Variants in GNRHR observed in about 807,000 individuals in gnomAD.
The protein encoded by GNRHR is gonadotropin-releasing hormone receptor.
A neutral mutation model predicts 28.1 loss-of-function variants in GNRHR; 14 were observed. The observed-to-expected ratio is 0.50, with a 90% CI of 0.33 to 0.78. The LOEUF is 0.78. Ranked by LOEUF, GNRHR falls within the 30% of genes least tolerant of loss-of-function variation. The probability of loss-of-function intolerance (pLI) is 0.02; values close to 1 mark genes in which losing one functional copy is unlikely to be tolerated. For synonymous variants in GNRHR, 141 were observed against 140.5 expected (o/e 1.00, Z -0.02); for missense variants, 366 against 382.1 (o/e 0.96, Z 0.35).
chr4:67,746,898 G>A (rs1252418495), intron 1 of GNRHR, among the ~76,000 whole-genome samples: 3 of 151,926 alleles, frequency 2.0e-5, no homozygotes, highest in African/African-American at 7.2e-5. Flanking sequence ...ACTAGAGGGC[G>A]TCTAATAATT....
chr4:67,749,147 A>G (rs1002338166), intron 1 of GNRHR, among the ~76,000 whole-genome samples: 1 of 152,132 alleles, frequency 6.6e-6, no homozygotes, highest in African/African-American at 2.4e-5. Context: ...AATGTTAGGC[A>G]TATTGTACCT....
chr4:67,739,027 A>G lies in GNRHR; in HGVS notation c.*1453T>C, dbSNP rs1731605222. ...ATACCACACACCTGGAGTATTTAGA[A>G]ATTACATTTCATCTTTTTTTGTGGC... On this transcript the variant is annotated 3_prime_UTR_variant, in exon 3 of 3. Transcript: ENST00000226413. Among the ~76,000 whole-genome samples the G allele has an allele frequency of 6.6e-6, 1 of 152,006 alleles. No homozygotes were observed. The highest frequency in any genetic ancestry group is 6.6e-5 in the Admixed American group (1 of 15,232).
chr4:67,741,069 G>C lies in GNRHR; in HGVS notation c.743-345C>G, dbSNP rs534018155. On this transcript the variant is annotated intron_variant, in intron 2 of 2. Coordinates refer to ENST00000226413, the MANE Select transcript of GNRHR (RefSeq NM_000406.3). ...AAAAAATTATTTTTTTATTTTAATA[G>C]GTTTTTTTGGGGACTGATGGTGTTT... is the stretch of plus-strand genomic sequence containing the variant. Among the ~76,000 whole-genome samples the C allele has an allele frequency of 1.2e-4, 18 of 151,790 alleles. No individual in the cohort carries two copies. In the South Asian group the frequency reaches 3.3e-3, roughly 28 times the overall value.
intron 2 of GNRHR, among the ~76,000 whole-genome samples, chr4:67,742,712 A>AT (rs962790182): frequency 2.0e-5 from 3 of 151,920 alleles, no homozygotes; most frequent in South Asian, 2.1e-4. Flanking sequence ...CACACACTAT[A>AT]TTTTTTTTGA....
chr4:67,749,777 C>T (rs1006956887), intron 1 of GNRHR, among the ~76,000 whole-genome samples: 1 of 151,736 alleles, frequency 6.6e-6, no homozygotes, highest in African/African-American at 2.4e-5. Context: ...AATTACTGTG[C>T]TCTGACATGT....
intron 1 of GNRHR, among the ~76,000 whole-genome samples, chr4:67,750,815 C>A (rs561539668): frequency 6.6e-6 from 1 of 152,068 alleles, no homozygotes; most frequent in Admixed American, 6.6e-5. Flanking sequence ...CACAATAGGA[C>A]GTGCCTTTGT....
intron 2 of GNRHR, among the ~76,000 whole-genome samples, chr4:67,743,670 T>C (rs550985684): frequency 2.6e-4 from 40 of 152,214 alleles, no homozygotes; most frequent in Non-Finnish European, 5.1e-4. Context: ...TTAACTCCTA[T>C]TTGAGATCCA....
At chr4:67,753,577 T>C (rs940820090) in intron 1 of GNRHR, 2 of 551,186 alleles carry the variant, frequency 3.6e-6, no homozygotes, top group Non-Finnish European at 3.2e-6. Context: ...ACAAAAGCAG[T>C]ATTAAGTAAG....
intron 2 of GNRHR, 73 bp from the exon 3 acceptor site, chr4:67,740,797 A>G: frequency 1.9e-6 from 2 of 1,032,950 alleles, no homozygotes; most frequent in Non-Finnish European, 3.1e-6. Flanking sequence ...AAAAAGGAAG[A>G]CAGCATCACT....
In GNRHR at chr4:67,744,678, T is replaced by A; in HGVS notation, c.632A>T (p.Tyr211Phe). 1.2e-6 allele frequency: 2 copies of A among 1,612,702 alleles called. No homozygotes were observed. Among genetic ancestry groups the A allele is most frequent in the Non-Finnish European group, 8.5e-7 (1 of 1,178,670 alleles). Reference sequence around the variant, plus strand: ...GAGGCAGCTGAAGGTGAAAAAGTTATAAAATGCTTGATGCCACCATTGTGA... The same window carrying A: ...GAGGCAGCTGAAGGTGAAAAAGTTAAAAAATGCTTGATGCCACCATTGTGA... ...SFSQWWHQAF[Y>F]NFFTFSCLFI... is the part of the protein sequence containing the mutation. The change falls in exon 2 of 3, where the codon TAT becomes TTT. Residue 211 changes from tyrosine (Y) to phenylalanine (F), a missense_variant. Tyr to Phe is a conservative substitution (Grantham distance 22, BLOSUM62 3). Coordinates refer to ENST00000226413, the MANE Select transcript of GNRHR (RefSeq NM_000406.3).
chr4:67,747,121 C>G (rs186552775), intron 1 of GNRHR: 1 of 152,236 alleles, frequency 6.6e-6, no homozygotes. Flanking sequence ...ACCTGAGAAT[C>G]TTATATTTCT....
chr4:67,742,479 A>G (rs905514305), intron 2 of GNRHR, among the ~76,000 whole-genome samples: 1 of 152,200 alleles, frequency 6.6e-6, no homozygotes, highest in East Asian at 1.9e-4. Context: ...GATATCTGAA[A>G]TAATTTCACT....
intron 1 of GNRHR, among the ~76,000 whole-genome samples, chr4:67,748,973 G>C (rs1731816485): frequency 6.6e-6 from 1 of 151,980 alleles, no homozygotes; most frequent in South Asian, 2.1e-4. Context: ...GCATGTAAAA[G>C]CTTATTTATT....
At chr4:67,742,140 A>G (rs966942099) in intron 2 of GNRHR, among the ~76,000 whole-genome samples, 2 of 152,098 alleles carry the variant, frequency 1.3e-5, no homozygotes, top group African/African-American at 4.8e-5. Flanking sequence ...CCAGTGTCTT[A>G]AAGGGTTTTT....
rs1307914185 is a variant in GNRHR at position 67,738,189 on chromosome 4, T to C, written c.*2291A>G. Among the ~76,000 whole-genome samples, 1 of 151,750 alleles carries C rather than the reference T, an allele frequency of 6.6e-6. No individual in the cohort carries two copies. Among genetic ancestry groups the C allele is most frequent in the East Asian group, 1.9e-4 (1 of 5,198 alleles). ...ATTTTTATGTTTGCATATAAATAGA[T>C]GAATAGATTATGTTATATTTTTATT... is the stretch of plus-strand genomic sequence containing the variant. On this transcript the variant is annotated 3_prime_UTR_variant, in exon 3 of 3. Coordinates refer to ENST00000226413, the MANE Select transcript of GNRHR (RefSeq NM_000406.3).
chr4:67,740,147 T>C lies in GNRHR; in HGVS notation c.*333A>G, dbSNP rs886787734. ...TCTCACCTTTGTTTTTTTGGCATCCTTGTGCCTTAGGCTGAAGGTATTTTA... is the reference window on the plus strand; with the variant it reads ...TCTCACCTTTGTTTTTTTGGCATCCCTGTGCCTTAGGCTGAAGGTATTTTA... On this transcript the variant is annotated 3_prime_UTR_variant, in exon 3 of 3. Coordinates refer to ENST00000226413, the MANE Select transcript of GNRHR (RefSeq NM_000406.3). 1.1e-4 allele frequency: 29 copies of C among 254,002 alleles called. No homozygotes were observed. Among genetic ancestry groups the C allele is most frequent in the Non-Finnish European group, 1.8e-4 (24 of 129,840 alleles). 15.7% of individuals were successfully genotyped at this position (254,002 alleles called of 1,614,324 possible).
chr4:67,743,460 C>T (rs1731698611), intron 2 of GNRHR, among the ~76,000 whole-genome samples: 1 of 152,164 alleles, frequency 6.6e-6, no homozygotes, highest in Non-Finnish European at 1.5e-5. Context: ...CTGTAGTCTC[C>T]ATGAAAGCAG....
Position 67,753,871 on chromosome 4 carries a change from G to C in GNRHR, c.465C>G (p.Val155=), listed in dbSNP as rs773986790. Residue 155 remains valine (V), a synonymous_variant, in exon 1 of 3, where the codon GTC becomes GTG. Coordinates refer to ENST00000226413, the MANE Select transcript of GNRHR (RefSeq NM_000406.3). ...AGGCCAGGCCAACCATGGACTGTCC[G>C]ACTTTGCTGTTGCTTTTCAAAGCTA... ...RPLALKSNSK[V]GQSMVGLAWI... is the part of the protein sequence containing the mutation. The C allele has an allele frequency of 4.3e-6, 7 of 1,613,728 alleles. No individual in the cohort carries two copies. The highest frequency in any genetic ancestry group is 5.9e-6 in the Non-Finnish European group (7 of 1,179,912).
At chr4:67,749,644 C>G (rs576105033) in intron 1 of GNRHR, among the ~76,000 whole-genome samples, 1 of 151,938 alleles carries the variant, frequency 6.6e-6, no homozygotes, top group South Asian at 2.1e-4. Context: ...TACCTTTCCT[C>G]CTTTTTCCTC....
Sources: allele counts gnomAD v4.1 joint callset (sites outside exome capture counted in the v4.1 genomes callset), GRCh38; gene constraint gnomAD v4.1.1; transcripts MANE v1.5; gene names NCBI Gene and HGNC (gene_info 2026-07-23, HGNC 2026-07-21).